GRM7: variants seen among roughly 807,000 people sequenced by gnomAD.
GRM7 encodes glutamate metabotropic receptor 7.
A neutral mutation model predicts 84.5 loss-of-function variants in GRM7; 35 were observed. That is an observed-to-expected ratio of 0.41 (90% CI 0.32 to 0.55). GRM7 has a LOEUF of 0.55. Among genes scored for constraint, GRM7 ranks in the 20% least tolerant of loss-of-function variants. The pLI, the probability that GRM7 is intolerant of heterozygous loss-of-function variation, is 0.19. For synonymous variants in GRM7, 487 were observed against 455.1 expected (o/e 1.07, Z -0.89); for missense variants, 1,003 against 1,194.6 (o/e 0.84, Z 2.36).
chr3:7,557,987 A>G (rs551078484), intron 7 of GRM7, among the ~76,000 whole-genome samples: 6 of 152,298 alleles, frequency 3.9e-5, no homozygotes, highest in African/African-American at 1.4e-4. Context: ...AGGGAGTGAC[A>G]TTAAAATTAA....
At chr3:7,250,998 A>G (rs761196181) in intron 2 of GRM7, among the ~76,000 whole-genome samples, 7 of 152,174 alleles carry the variant, frequency 4.6e-5, no homozygotes, top group Non-Finnish European at 1.0e-4. Flanking sequence ...GGATGGAGAA[A>G]AGATCAATGT....
At chr3:7,255,180 T>A (rs997868416) in intron 2 of GRM7, among the ~76,000 whole-genome samples, 1 of 152,228 alleles carries the variant, frequency 6.6e-6, no homozygotes, top group Non-Finnish European at 1.5e-5. Context: ...TCTATCATCT[T>A]TGACCTCAGT....
intron 4 of GRM7, among the ~76,000 whole-genome samples, chr3:7,361,243 T>A (rs1479070889): frequency 1.3e-5 from 2 of 152,108 alleles, no homozygotes; most frequent in Non-Finnish European, 2.9e-5. Context: ...CTAGATTATT[T>A]TTAACGTGGA....
At chr3:7,719,951 T>C (rs935617927) in intron 9 of GRM7, among the ~76,000 whole-genome samples, 10 of 152,170 alleles carry the variant, frequency 6.6e-5, no homozygotes, top group Admixed American at 1.3e-4. Context: ...ATAATTATGA[T>C]GGTGGAATCA....
intron 7 of GRM7, among the ~76,000 whole-genome samples, chr3:7,505,466 T>G (rs748450664): frequency 7.2e-5 from 11 of 152,226 alleles, no homozygotes; most frequent in Non-Finnish European, 1.2e-4. Context: ...CTGACTGTGG[T>G]CTCTCTGCAG....
chr3:7,224,972 A>G (rs1235422844), intron 2 of GRM7, among the ~76,000 whole-genome samples: 2 of 152,140 alleles, frequency 1.3e-5, no homozygotes, highest in Non-Finnish European at 2.9e-5. Flanking sequence ...TGATAGTAAG[A>G]ATTGTTAATA....
At chr3:7,093,517 A>G in intron 1 of GRM7, among the ~76,000 whole-genome samples, 1 of 151,484 alleles carries the variant, frequency 6.6e-6, no homozygotes, top group Non-Finnish European at 1.5e-5. Flanking sequence ...GTCTCTAATA[A>G]AATACAAAAA....
At chr3:7,562,723 T>C (rs1694082779) in intron 7 of GRM7, among the ~76,000 whole-genome samples, 1 of 152,168 alleles carries the variant, frequency 6.6e-6, no homozygotes, top group African/African-American at 2.4e-5. Flanking sequence ...GTTTGTTCTA[T>C]ACTCAAATGG....
At chr3:6,866,378 C>A (rs1449386752) in intron 1 of GRM7, among the ~76,000 whole-genome samples, 2 of 150,196 alleles carry the variant, frequency 1.3e-5, no homozygotes, top group African/African-American at 4.9e-5. Flanking sequence ...TTCTAAAAGT[C>A]TGTAATCTTT....
In GRM7 at chr3:7,343,552, T is replaced by A. The variant is rs924728643; in HGVS notation, c.1033+36900T>A. Among the ~76,000 whole-genome samples the A allele has an allele frequency of 2.0e-5, 3 of 151,170 alleles. No individual in the cohort carries two copies. In the South Asian group the frequency reaches 6.2e-4, roughly 31 times the overall value. ...ATTTGCATACTATGGTACAAATTGCTTGATTTTTTTATTAAATTAATGCAC... is the reference window on the plus strand; with the variant it reads ...ATTTGCATACTATGGTACAAATTGCATGATTTTTTTATTAAATTAATGCAC... On this transcript the variant is annotated intron_variant, in intron 4 of 9. Coordinates refer to ENST00000357716, the MANE Select transcript of GRM7 (RefSeq NM_000844.4).
intron 9 of GRM7, among the ~76,000 whole-genome samples, chr3:7,687,216 A>G (rs143503200): frequency 6.6e-6 from 1 of 152,322 alleles, no homozygotes; most frequent in Admixed American, 6.5e-5. Flanking sequence ...TGTTCAAATA[A>G]ATAGATTAGA....
Position 7,435,981 on chromosome 3 carries a change from C to T in GRM7, c.1175-16626C>T, listed in dbSNP as rs139270287. On this transcript the variant is annotated intron_variant, in intron 5 of 9. Transcript: ENST00000357716. ...CTTCTTAAAGTGCTGGGATTACAGG[C>T]GTGAGCCACCAGGCCCAGCCATGCC... Among the ~76,000 whole-genome samples the T allele has an allele frequency of 3.1e-3, 468 of 149,968 alleles. 1 individual carries two copies. The highest frequency in any genetic ancestry group is 0.02 in the East Asian group (99 of 5,048).
At position 7,642,043 on chromosome 3, in the gene GRM7, G is replaced by C. The variant is rs1285784140; in HGVS notation, c.2452-38006G>C. ...CTGCATAGCTTTTCTGCATCTAATA[G>C]TCCTTCTAAAATAAGGCTATATACC... On this transcript the variant is annotated intron_variant, in intron 8 of 9. Coordinates refer to ENST00000357716, the MANE Select transcript of GRM7 (RefSeq NM_000844.4). Among the ~76,000 whole-genome samples, 6 of 152,004 alleles carry C rather than the reference G, an allele frequency of 3.9e-5. No individual in the cohort carries two copies. In the East Asian group the frequency reaches 1.2e-3, roughly 29 times the overall value.
intron 4 of GRM7, among the ~76,000 whole-genome samples, chr3:7,379,219 C>G (rs1458433544): frequency 6.6e-6 from 1 of 152,060 alleles, no homozygotes; most frequent in Non-Finnish European, 1.5e-5. Flanking sequence ...ACTATAGGCA[C>G]CTACGGCCAT....
At chr3:7,084,453 T>A (rs1043848291) in intron 1 of GRM7, among the ~76,000 whole-genome samples, 2 of 152,104 alleles carry the variant, frequency 1.3e-5, no homozygotes, top group African/African-American at 4.8e-5. Flanking sequence ...TAAGAAGTAG[T>A]CATATTAGGG....
chr3:7,687,749 C>T (rs1700638826), intron 9 of GRM7, among the ~76,000 whole-genome samples: 1 of 152,024 alleles, frequency 6.6e-6, no homozygotes, highest in South Asian at 2.1e-4. Flanking sequence ...TAATAGTATT[C>T]CGAATATAAA....
rs184989145 is a variant in GRM7, at chr3:7,202,494, C to A, written c.736+55826C>A. On this transcript the variant is annotated intron_variant, in intron 2 of 9. Transcript: ENST00000357716. ...TACAGGCTCCTGCCACCATACCCAG[C>A]TAATTTTTGTAATTTTAGTAGAGGT... Among the ~76,000 whole-genome samples, 12 of 152,214 alleles carry A rather than the reference C, an allele frequency of 7.9e-5. No individual in the cohort carries two copies. The East Asian group carries it at 1.7e-3, about 22-fold the overall frequency.
intron 1 of GRM7, among the ~76,000 whole-genome samples, chr3:7,113,508 C>T (rs1692929214): frequency 6.6e-6 from 1 of 152,094 alleles, no homozygotes; most frequent in Admixed American, 6.6e-5. Flanking sequence ...CCTGAGCATC[C>T]CAAAGTGCTG....
intron 2 of GRM7, among the ~76,000 whole-genome samples, chr3:7,191,926 A>G (rs1695723159): frequency 1.3e-5 from 2 of 152,092 alleles, no homozygotes; most frequent in African/African-American, 4.8e-5. Context: ...CTATACCCCT[A>G]TTAATATTTC....
Sources: gnomAD v4.1 joint callset for allele counts (sites outside exome capture counted in the v4.1 genomes callset) on GRCh38, gnomAD v4.1.1 for gene constraint, MANE v1.5 for transcripts, NCBI Gene and HGNC (gene_info 2026-07-23, HGNC 2026-07-21) for gene names.